The following TNPO3 variants were observed in gnomAD, a reference collection of about 807,000 sequenced individuals.
The protein encoded by TNPO3 is transportin-3.
A neutral mutation model predicts 122.8 loss-of-function variants in TNPO3; 65 were observed. The observed-to-expected ratio is 0.53, with a 90% CI of 0.43 to 0.65. TNPO3 has a LOEUF of 0.65. Ranked by LOEUF, TNPO3 falls within the 30% of genes least tolerant of loss-of-function variation. The pLI is 0.00. For missense variants in TNPO3, 850 were observed against 1,136.7 expected (o/e 0.75, Z 3.63); for synonymous variants, 372 against 411.2 (o/e 0.90, Z 1.15).
chr7:128,984,367 T>C, intron 12 of TNPO3, 108 bp from the exon 13 acceptor site: 1 of 619,556 alleles, frequency 1.6e-6, no homozygotes, highest in Non-Finnish European at 2.8e-6. Flanking sequence ...TTGGTTCCAT[T>C]CTTTTAAAAA....
At chr7:129,005,776 T>C (rs1802505249) in intron 4 of TNPO3, among the ~76,000 whole-genome samples, 1 of 149,248 alleles carries the variant, frequency 6.7e-6, no homozygotes, top group Admixed American at 6.8e-5. Flanking sequence ...GTATTTCTTT[T>C]CTTTTCTTTT....
At chr7:128,986,271 T>A (rs1347909903) in intron 12 of TNPO3, among the ~76,000 whole-genome samples, 4 of 152,204 alleles carry the variant, frequency 2.6e-5, no homozygotes, top group Non-Finnish European at 5.9e-5. Context: ...TGCCTCTGGA[T>A]AGACAATCAC....
chr7:128,984,566 T>C (rs1310751143), intron 12 of TNPO3, among the ~76,000 whole-genome samples: 3 of 152,244 alleles, frequency 2.0e-5, no homozygotes, highest in Non-Finnish European at 4.4e-5. Context: ...CATAGTGTAA[T>C]GTTTCTCAGA....
At chr7:128,994,961 T>A (rs1216507509) in intron 8 of TNPO3, among the ~76,000 whole-genome samples, 1 of 152,134 alleles carries the variant, frequency 6.6e-6, no homozygotes, top group Non-Finnish European at 1.5e-5. Flanking sequence ...CTGGCCTCAG[T>A]TAATTTTTAA....
intron 21 of TNPO3, among the ~76,000 whole-genome samples, chr7:128,965,202 AT>A (rs138523068): frequency 1.9e-4 from 29 of 152,362 alleles, no homozygotes; most frequent in African/African-American, 7.0e-4. Context: ...TAAGGAATTA[AT>A]ATCCCAAATA....
intron 7 of TNPO3, among the ~76,000 whole-genome samples, chr7:128,998,789 G>A (rs546703279): frequency 1.3e-5 from 2 of 152,288 alleles, no homozygotes; most frequent in South Asian, 4.1e-4. Flanking sequence ...CTCCAAAAGT[G>A]TTAAGAGGTA....
chr7:128,974,846 TG>T (rs1585328001), intron 18 of TNPO3, 21 bp downstream of exon 18: 1 of 1,592,326 alleles, frequency 6.3e-7, no homozygotes, highest in East Asian at 2.2e-5. Context: ...AATTAAGAAA[TG>T]GGCTCTTCAG....
At chr7:128,967,739 AAC>A (rs35430377) in intron 20 of TNPO3, among the ~76,000 whole-genome samples, 146 of 147,926 alleles carry the variant, frequency 9.9e-4, no homozygotes, top group African/African-American at 1.5e-3. Flanking sequence ...TGCGAACATG[AAC>A]ACACACACAC....
Position 128,998,512 on chromosome 7 carries a change from A to G in TNPO3, c.1012-977T>C, listed in dbSNP as rs527824650. Among the ~76,000 whole-genome samples the G allele has an allele frequency of 4.6e-5, 7 of 151,604 alleles. No individual in the cohort carries two copies. The East Asian group carries it at 1.2e-3, about 26-fold the overall frequency. On this transcript the variant is annotated intron_variant, in intron 7 of 22. Coordinates refer to ENST00000265388, the MANE Select transcript of TNPO3 (RefSeq NM_012470.4). Reference sequence around the variant, plus strand: ...AGGAGGACTACAGGCGCTTGCCACCATGTCTGGCTAATTTTTAAAATTTTC... The same window carrying G: ...AGGAGGACTACAGGCGCTTGCCACCGTGTCTGGCTAATTTTTAAAATTTTC...
chr7:128,975,605 T>C (rs1798970019), intron 17 of TNPO3, among the ~76,000 whole-genome samples: 1 of 152,182 alleles, frequency 6.6e-6, no homozygotes, highest in South Asian at 2.1e-4. Flanking sequence ...TAACATGTAA[T>C]AATCATTACA....
At chr7:128,973,166 C>T (rs1798665316) in intron 18 of TNPO3, among the ~76,000 whole-genome samples, 1 of 152,168 alleles carries the variant, frequency 6.6e-6, no homozygotes, top group Non-Finnish European at 1.5e-5. Context: ...CAGCATTTCC[C>T]AAACTAAAGT....
At chr7:129,049,807 G>A (rs748245490) in intron 1 of TNPO3, among the ~76,000 whole-genome samples, 1 of 152,210 alleles carries the variant, frequency 6.6e-6, no homozygotes, top group Non-Finnish European at 1.5e-5. Flanking sequence ...TGGGGGTGGG[G>A]AGGGAGGATG....
Position 128,958,137 on chromosome 7 carries a change from CTTTTTT to C in TNPO3, c.2712-828_2712-823del, listed in dbSNP as rs55683535. Among the ~76,000 whole-genome samples, 22 of 96,220 alleles carry C rather than the reference CTTTTTT, an allele frequency of 2.3e-4. No individual in the cohort carries two copies. In the South Asian group the frequency reaches 3.3e-3, roughly 15 times the overall value. 63.1% of individuals were successfully genotyped at this position (96,220 alleles called of 152,430 possible). On this transcript the variant is annotated intron_variant, in intron 21 of 22. Coordinates refer to ENST00000265388, the MANE Select transcript of TNPO3 (RefSeq NM_012470.4). Reference sequence around the variant, plus strand: ...AAAGCAGTGGAGAAGGAAGCACTTCCTTTTTTTTTTTTTTTTTTTTTTTGATATGGA... The same window carrying C: ...AAAGCAGTGGAGAAGGAAGCACTTCCTTTTTTTTTTTTTTTTTGATATGGA...
At chr7:129,011,416 C>G (rs995836514) in intron 4 of TNPO3, among the ~76,000 whole-genome samples, 3 of 151,882 alleles carry the variant, frequency 2.0e-5, no homozygotes, top group South Asian at 4.2e-4. Flanking sequence ...CCATCTCGGC[C>G]CACTGCAACC....
intron 8 of TNPO3, 105 bp downstream of exon 8, chr7:128,997,284 C>T: frequency 1.5e-6 from 2 of 1,297,868 alleles, no homozygotes; most frequent in Non-Finnish European, 2.1e-6. Flanking sequence ...AGGCATGAGC[C>T]AGGGTGCCCA....
intron 9 of TNPO3, 119 bp downstream of exon 9, chr7:128,993,688 C>T: frequency 1.2e-6 from 1 of 821,702 alleles, no homozygotes; most frequent in East Asian, 2.5e-5. Context: ...ACTTGCATAT[C>T]TATTATCTCA....
chr7:129,024,206 T>G (rs1310192765), intron 1 of TNPO3, among the ~76,000 whole-genome samples: 1 of 152,132 alleles, frequency 6.6e-6, no homozygotes, highest in East Asian at 1.9e-4. Flanking sequence ...TGTGAAAACT[T>G]AAAACTACTC....
At chr7:128,959,693 G>GTGTC (rs1191712489) in intron 21 of TNPO3, among the ~76,000 whole-genome samples, 4 of 152,302 alleles carry the variant, frequency 2.6e-5, no homozygotes, top group Admixed American at 2.6e-4. Flanking sequence ...TTTAACTGAA[G>GTGTC]TGTCCTTGGT....
chr7:128,957,156 A>G, intron 22 of TNPO3, 68 bp downstream of exon 22: 1 of 1,361,938 alleles, frequency 7.3e-7, no homozygotes, highest in South Asian at 1.2e-5. Flanking sequence ...ATTAAAACCT[A>G]TCCCCATTCC....
Sources: gnomAD v4.1 joint callset for allele counts (sites outside exome capture counted in the v4.1 genomes callset) on GRCh38, gnomAD v4.1.1 for gene constraint, MANE v1.5 for transcripts, NCBI Gene and HGNC (gene_info 2026-07-23, HGNC 2026-07-21) for gene names.